The following OSTN variants were observed in gnomAD, a reference collection of about 807,000 sequenced individuals.
The protein encoded by OSTN is osteocrin.
Under a neutral mutation model 12.0 loss-of-function variants are expected in OSTN, and 9 were observed. That is an observed-to-expected ratio of 0.75 (90% CI 0.45 to 1.30). The LOEUF (loss-of-function observed/expected upper bound fraction) is 1.30. Among genes scored for constraint, OSTN ranks in the 50% most tolerant of loss-of-function variants. The pLI is 0.00. For missense variants in OSTN, 148 were observed against 152.3 expected (o/e 0.97, Z 0.15); for synonymous variants, 59 against 56.9 (o/e 1.04, Z -0.16).
intron 4 of OSTN, among the ~76,000 whole-genome samples, chr3:191,257,564 T>A (rs1273777901): frequency 6.6e-6 from 1 of 152,050 alleles, no homozygotes; most frequent in Non-Finnish European, 1.5e-5. Context: ...TCCCCCACCC[T>A]CATCATGGGC....
intron 3 of OSTN, chr3:191,234,586 C>T (rs1715141618): frequency 6.6e-6 from 1 of 151,328 alleles, no homozygotes; most frequent in African/African-American, 2.5e-5. Context: ...AATCCCAGCT[C>T]CTTGGGAAGC....
chr3:191,236,140 C>A (rs116115520), intron 3 of OSTN, among the ~76,000 whole-genome samples: 2,644 of 152,286 alleles, frequency 0.017, 72 homozygotes, highest in African/African-American at 0.061. Context: ...TTTGGAAGTA[C>A]TACATAAGTC....
At chr3:191,241,676 T>C (rs1715325696) in intron 3 of OSTN, among the ~76,000 whole-genome samples, 1 of 152,224 alleles carries the variant, frequency 6.6e-6, no homozygotes, top group African/African-American at 2.4e-5. Flanking sequence ...AAAGTTTTAA[T>C]GACACCCGAA....
chr3:191,206,432 T>A (rs1487601848), intron 1 of OSTN, among the ~76,000 whole-genome samples: 1 of 152,150 alleles, frequency 6.6e-6, no homozygotes, highest in Admixed American at 6.5e-5. Flanking sequence ...TACCTAATTT[T>A]AAAAATACTG....
Position 191,218,915 on chromosome 3 carries a change from C to T in OSTN, c.271C>T (p.Leu91Phe), listed in dbSNP as rs759801670. The change falls in exon 3 of 5, where the codon CTT becomes TTT. Residue 91 changes from leucine to phenylalanine, a missense_variant. Physicochemically the swap from Leu to Phe is conservative, Grantham distance 22. Transcript: ENST00000682035. ...KRSFSGFGSP[L>F]DRLSAGSVDH... is the part of the protein sequence containing the mutation. Reference sequence around the variant, plus strand: ...GAGTTTCTCTGGTTTTGGGTCTCCCCTTGACAGACTCTCAGCTGGCTCTGT... The same window carrying T: ...GAGTTTCTCTGGTTTTGGGTCTCCCTTTGACAGACTCTCAGCTGGCTCTGT... The T allele has an allele frequency of 9.3e-6, 15 of 1,613,942 alleles. No homozygotes were observed. The highest frequency in any genetic ancestry group is 3.3e-4 in the Middle Eastern group (2 of 6,082).
chr3:191,210,285 C>G (rs78435963), intron 1 of OSTN, among the ~76,000 whole-genome samples: 1 of 152,184 alleles, frequency 6.6e-6, no homozygotes, highest in Non-Finnish European at 1.5e-5. Flanking sequence ...GCCTCCAATA[C>G]TGGAGGCAAC....
At chr3:191,206,046 A>G (rs1325765958) in intron 1 of OSTN, among the ~76,000 whole-genome samples, 1 of 152,068 alleles carries the variant, frequency 6.6e-6, no homozygotes, top group Non-Finnish European at 1.5e-5. Context: ...TTAGCCAGAC[A>G]CGGTGGCAGG....
At chr3:191,259,078 T>G (rs2108556766) in intron 4 of OSTN, among the ~76,000 whole-genome samples, 1 of 152,342 alleles carries the variant, frequency 6.6e-6, no homozygotes, top group South Asian at 2.1e-4. Flanking sequence ...AGTTACCTTC[T>G]TCTGAGTCCC....
At chr3:191,225,918 C>A (rs1714897392) in intron 3 of OSTN, among the ~76,000 whole-genome samples, 3 of 152,130 alleles carry the variant, frequency 2.0e-5, no homozygotes, top group Admixed American at 2.0e-4. Flanking sequence ...CAAACCCCAG[C>A]ATCGCCCAAT....
chr3:191,231,382 A>G (rs1470012953), intron 3 of OSTN, among the ~76,000 whole-genome samples: 6 of 152,108 alleles, frequency 3.9e-5, no homozygotes, highest in Non-Finnish European at 8.8e-5. Context: ...ATATATATAA[A>G]CCACAAGACT....
chr3:191,219,250 G>A (rs1223253520), intron 3 of OSTN, among the ~76,000 whole-genome samples: 1 of 152,182 alleles, frequency 6.6e-6, no homozygotes, highest in Non-Finnish European at 1.5e-5. Context: ...CATTTGGGAG[G>A]TGGCGCAAAA....
At chr3:191,249,642 A>C (rs1715513120) in intron 3 of OSTN, among the ~76,000 whole-genome samples, 1 of 152,152 alleles carries the variant, frequency 6.6e-6, no homozygotes, top group East Asian at 1.9e-4. Flanking sequence ...TCTGAAGCAA[A>C]GTTTGTGAAA....
chr3:191,209,338 A>G (rs928005565), intron 1 of OSTN, among the ~76,000 whole-genome samples: 1 of 152,150 alleles, frequency 6.6e-6, no homozygotes, highest in Non-Finnish European at 1.5e-5. Context: ...TTTGGTTGGT[A>G]TTTTCATCAG....
chr3:191,256,257 A>G (rs893376409), intron 4 of OSTN, among the ~76,000 whole-genome samples: 1 of 152,180 alleles, frequency 6.6e-6, no homozygotes, highest in Non-Finnish European at 1.5e-5. Flanking sequence ...TTATATAAAT[A>G]TAATGCAAAG....
At chr3:191,220,272 A>C (rs73199654) in intron 3 of OSTN, among the ~76,000 whole-genome samples, 25,398 of 152,146 alleles carry the variant, frequency 0.17, 2,870 homozygotes, top group East Asian at 0.32. Flanking sequence ...TCATCATTTG[A>C]AGACCATACC....
intron 3 of OSTN, among the ~76,000 whole-genome samples, chr3:191,238,848 G>C (rs1253861185): frequency 6.6e-6 from 1 of 152,176 alleles, no homozygotes; most frequent in African/African-American, 2.4e-5. Context: ...ATTTATGTAT[G>C]AAGCTTTAAA....
At chr3:191,206,045 C>A (rs1714266147) in intron 1 of OSTN, among the ~76,000 whole-genome samples, 1 of 152,018 alleles carries the variant, frequency 6.6e-6, no homozygotes, top group Admixed American at 6.6e-5. Flanking sequence ...CTTAGCCAGA[C>A]ACGGTGGCAG....
intron 3 of OSTN, among the ~76,000 whole-genome samples, chr3:191,226,412 T>C (rs1183414034): frequency 6.6e-6 from 1 of 152,204 alleles, no homozygotes; most frequent in African/African-American, 2.4e-5. Flanking sequence ...CATGTATGTG[T>C]GTGTTTGTAT....
chr3:191,230,066 C>CAATA (rs71937483), intron 3 of OSTN, among the ~76,000 whole-genome samples: 28,488 of 145,972 alleles, frequency 0.2, 3,408 homozygotes, highest in Middle Eastern at 0.28. Context: ...GACTCAGTCT[C>CAATA]AATAAATAAA....
Sources: allele counts gnomAD v4.1 joint callset (sites outside exome capture counted in the v4.1 genomes callset), GRCh38; gene constraint gnomAD v4.1.1; transcripts MANE v1.5; gene names NCBI Gene and HGNC (gene_info 2026-07-23, HGNC 2026-07-21).